RNFT2: variants seen among roughly 807,000 people sequenced by gnomAD.
The protein encoded by RNFT2 is ring finger protein, transmembrane 2.
In RNFT2, 36 loss-of-function variants were observed where a neutral mutation model predicts 53.0. That is an observed-to-expected ratio of 0.68 (90% CI 0.52 to 0.90). The LOEUF (loss-of-function observed/expected upper bound fraction) is 0.90, where lower values mean the gene tolerates loss of function less well. RNFT2 is among the 40% of genes least tolerant of loss of function. RNFT2 has a pLI of 0.00. For synonymous variants in RNFT2, 260 were observed against 253.2 expected (o/e 1.03, Z -0.26); for missense variants, 514 against 585.6 (o/e 0.88, Z 1.26).
intron 10 of RNFT2, among the ~76,000 whole-genome samples, chr12:116,841,948 AATATAT>A (rs1337261582): frequency 4.4e-5 from 1 of 22,626 alleles, no homozygotes; most frequent in African/African-American, 3.7e-4. Context: ...TATATATATA[AATATAT>A]ATATAGAGAG....
At chr12:116,762,158 C>A (rs1177658358) in intron 5 of RNFT2, among the ~76,000 whole-genome samples, 1 of 151,660 alleles carries the variant, frequency 6.6e-6, no homozygotes, top group African/African-American at 2.4e-5. Context: ...GCAGGTGGAT[C>A]ACTTGAGGTC....
intron 6 of RNFT2, among the ~76,000 whole-genome samples, chr12:116,768,160 G>A (rs1873002041): frequency 6.6e-6 from 1 of 150,910 alleles, no homozygotes. Context: ...GGGTGCAGTG[G>A]TGCAATCCCG....
At chr12:116,785,275 G>GTGTGTGTGTGTGTGTGTGTGT (rs1555261550) in intron 7 of RNFT2, among the ~76,000 whole-genome samples, 1 of 138,118 alleles carries the variant, frequency 7.2e-6, no homozygotes, top group Non-Finnish European at 1.5e-5. Context: ...GTGTGTGTGT[G>GTGTGTGTGTGTGTGTGTGTGT]GCGGGGGGGG....
intron 7 of RNFT2, among the ~76,000 whole-genome samples, chr12:116,786,486 C>G (rs1873941795): frequency 6.6e-6 from 1 of 152,086 alleles, no homozygotes; most frequent in Non-Finnish European, 1.5e-5. Flanking sequence ...TTTACAACTT[C>G]AAGACTCCAG....
At chr12:116,811,120 A>G (rs548829939) in intron 7 of RNFT2, among the ~76,000 whole-genome samples, 36 of 152,280 alleles carry the variant, frequency 2.4e-4, no homozygotes, top group African/African-American at 8.2e-4. Flanking sequence ...TCCACCAGGC[A>G]TGATGGCTCA....
At chr12:116,739,257 C>G (rs1407608856) in intron 1 of RNFT2, among the ~76,000 whole-genome samples, 1 of 152,156 alleles carries the variant, frequency 6.6e-6, no homozygotes, top group Non-Finnish European at 1.5e-5. Context: ...GCCCTTATTA[C>G]CTTGCTAGGG....
At chr12:116,839,021 CAAAT>C (rs1385981878) in intron 10 of RNFT2, among the ~76,000 whole-genome samples, 1 of 152,186 alleles carries the variant, frequency 6.6e-6, no homozygotes, top group African/African-American at 2.4e-5. Flanking sequence ...AATGAATGAA[CAAAT>C]GAATGAATGA....
At position 116,750,198 on chromosome 12, in the gene RNFT2, G is replaced by A. The variant is rs1872122705; in HGVS notation, c.441G>A (p.Gly147=). 6.2e-7 allele frequency: 1 copy of A among 1,602,736 alleles called. No individual in the cohort carries two copies. The highest frequency in any genetic ancestry group is 8.5e-7 in the Non-Finnish European group (1 of 1,178,040). Residue 147 remains glycine (G), a synonymous_variant, in exon 4 of 11, where the codon GGG becomes GGA. Coordinates refer to ENST00000257575, the MANE Select transcript of RNFT2 (RefSeq NM_001382266.1). ...HSEEGGDEQP[G]TPAPALSELK... is the part of the protein sequence containing the mutation. Reference sequence around the variant, plus strand: ...AGGAGGGAGGCGACGAGCAGCCTGGGACGCCCGCCCCCGCCCTGTCCGAGC... The same window carrying A: ...AGGAGGGAGGCGACGAGCAGCCTGGAACGCCCGCCCCCGCCCTGTCCGAGC...
At chr12:116,840,718 C>T (rs1877206609) in intron 10 of RNFT2, among the ~76,000 whole-genome samples, 3 of 152,188 alleles carry the variant, frequency 2.0e-5, no homozygotes, top group Admixed American at 2.0e-4. Flanking sequence ...CCCTCCATGT[C>T]ATCTGTCACC....
chr12:116,743,230 A>AAAAAAAAAAAAAAC lies in RNFT2; in HGVS notation c.83+2149_83+2150insCAAAAAAAAAAAAA, dbSNP rs1871713644. Among the ~76,000 whole-genome samples, 8 of 120,814 alleles carry AAAAAAAAAAAAAAC rather than the reference A, an allele frequency of 6.6e-5. 4 individuals are homozygous for AAAAAAAAAAAAAAC. The highest frequency in any genetic ancestry group is 1.0e-4 in the Non-Finnish European group (6 of 58,004). The allele number at this position is 120,814 out of a possible 152,430, so 79.3% of individuals were successfully genotyped here. A position where few individuals can be genotyped will look rare whatever the true frequency, so the allele number is the denominator to read the frequency against. On this transcript the variant is annotated intron_variant, in intron 3 of 10. Coordinates refer to ENST00000257575, the MANE Select transcript of RNFT2 (RefSeq NM_001382266.1). Reference sequence around the variant, plus strand: ...GTAGAATCTAAAAAAAAAAAAAAAAAAAAAAAAAAAAAAACCGGTTAAAAA... The same window carrying AAAAAAAAAAAAAAC: ...GTAGAATCTAAAAAAAAAAAAAAAAAAAAAAAAAAAAAACAAAAAAAAAAAAAACCGGTTAAAAA...
rs147720166 is a variant in RNFT2 at position 116,852,685 on chromosome 12, G to A, written c.*3237G>A. 35 of 1,613,930 alleles carry A rather than the reference G, an allele frequency of 2.2e-5. No homozygotes were observed. In the African/African-American group the frequency reaches 3.2e-4, roughly 15 times the overall value. On this transcript the variant is annotated 3_prime_UTR_variant, in exon 11 of 11. Coordinates refer to ENST00000257575, the MANE Select transcript of RNFT2 (RefSeq NM_001382266.1). ...AGGGGCACAAGAAATTGGAGCTGGA[G>A]AAGATTGATGAAAGTGCAGGTGTGT...
At chr12:116,831,117 T>C (rs998673580) in intron 7 of RNFT2, among the ~76,000 whole-genome samples, 2 of 150,730 alleles carry the variant, frequency 1.3e-5, no homozygotes, top group South Asian at 4.2e-4. Context: ...CCCAGCACTT[T>C]GGGAGCCTGA....
chr12:116,841,870 A>T (rs1318700465), intron 10 of RNFT2, among the ~76,000 whole-genome samples: 2 of 25,786 alleles, frequency 7.8e-5, no homozygotes, highest in African/African-American at 1.5e-4. Context: ...TATATATATA[A>T]ATATATATAT....
chr12:116,750,106 C>T lies in RNFT2; in HGVS notation c.349C>T (p.His117Tyr), dbSNP rs1166487731. 2 of 1,558,668 alleles carry T rather than the reference C, an allele frequency of 1.3e-6. No individual in the cohort carries two copies. Among genetic ancestry groups the T allele is most frequent in the Non-Finnish European group, 1.7e-6 (2 of 1,158,002 alleles). Reference sequence around the variant, plus strand: ...CCACCGCCAGCCCCACCACCATTTCCACCATGGCGGCCACCGCGGGGGCTC... The same window carrying T: ...CCACCGCCAGCCCCACCACCATTTCTACCATGGCGGCCACCGCGGGGGCTC... ...YHHRQPHHHF[H>Y]HGGHRGGSLL... The change falls in exon 4 of 11, where the codon CAC becomes TAC. Residue 117 changes from histidine (H) to tyrosine (Y), a missense_variant. His to Tyr is a moderately conservative substitution (Grantham distance 83). Coordinates refer to ENST00000257575, the MANE Select transcript of RNFT2 (RefSeq NM_001382266.1).
chr12:116,823,192 G>C (rs60801685), intron 7 of RNFT2, among the ~76,000 whole-genome samples: 3,050 of 152,248 alleles, frequency 0.02, 116 homozygotes, highest in African/African-American at 0.071. Context: ...ATAGCCTAAA[G>C]TGACACCAGT....
At chr12:116,787,983 A>G (rs1874014560) in intron 7 of RNFT2, among the ~76,000 whole-genome samples, 1 of 152,184 alleles carries the variant, frequency 6.6e-6, no homozygotes, top group South Asian at 2.1e-4. Flanking sequence ...GCTGGAGTGC[A>G]ATGGCGCAAT....
intron 7 of RNFT2, among the ~76,000 whole-genome samples, chr12:116,822,875 T>C (rs1263902387): frequency 1.3e-5 from 2 of 152,170 alleles, no homozygotes; most frequent in Non-Finnish European, 2.9e-5. Flanking sequence ...TGCACGCCTA[T>C]AATCCCAGCT....
In RNFT2 at chr12:116,749,866, G is replaced by A. The variant is rs1872089584; in HGVS notation, c.109G>A (p.Glu37Lys). ...AAACCGCAGCCAGGCGCTCAGCTCC[G>A]AGGCGAGTGTGGATGAAGGTGGCGT... ...ERNRSQALSSEASVDEGGVFE... is the reference protein window; with the variant it reads ...ERNRSQALSSKASVDEGGVFE... The change falls in exon 4 of 11, where the codon GAG becomes AAG. Residue 37 changes from glutamate to lysine, a missense_variant. Coordinates refer to ENST00000257575, the MANE Select transcript of RNFT2 (RefSeq NM_001382266.1). 1.3e-6 allele frequency: 2 copies of A among 1,585,348 alleles called. No individual in the cohort carries two copies. Among genetic ancestry groups the A allele is most frequent in the East Asian group, 2.3e-5 (1 of 43,532 alleles).
At chr12:116,762,672 C>G (rs1044936685) in intron 5 of RNFT2, among the ~76,000 whole-genome samples, 11 of 151,934 alleles carry the variant, frequency 7.2e-5, no homozygotes, top group African/African-American at 2.4e-4. Flanking sequence ...CTCTGCCTCC[C>G]AAGTAGCGAG....
Sources: gnomAD v4.1 joint callset for allele counts (sites outside exome capture counted in the v4.1 genomes callset) on GRCh38, gnomAD v4.1.1 for gene constraint, MANE v1.5 for transcripts, NCBI Gene and HGNC (gene_info 2026-07-23, HGNC 2026-07-21) for gene names.